Variants in UNC13C observed in about 807,000 individuals in gnomAD.
UNC13C encodes the protein unc-13 homolog C, also known as protein unc-13 homolog C.
Under a neutral mutation model 245.4 loss-of-function variants are expected in UNC13C, and 174 were observed. The ratio of observed to expected loss-of-function variants is 0.71; its 90% CI spans 0.63 to 0.80. The LOEUF is 0.80. UNC13C is among the 30% of genes least tolerant of loss of function. The pLI is 0.00. For missense variants in UNC13C, 2,829 were observed against 2,602.9 expected (o/e 1.09, Z -1.89); for synonymous variants, 992 against 895.1 (o/e 1.11, Z -1.93).
intron 14 of UNC13C, 53 bp from the exon 15 acceptor site, chr15:54,331,990 C>A: frequency 4.9e-6 from 6 of 1,231,738 alleles, no homozygotes; most frequent in Non-Finnish European, 5.7e-6. Context: ...ATTATGAGGT[C>A]TTTAGAGTGG....
At chr15:54,403,741 G>A (rs1425525951) in intron 18 of UNC13C, among the ~76,000 whole-genome samples, 2 of 131,638 alleles carry the variant, frequency 1.5e-5, no homozygotes, top group South Asian at 4.9e-4. Flanking sequence ...AAAAAAAAAG[G>A]CTTACATAGA....
the UNC13C span, among the ~76,000 whole-genome samples, chr15:53,921,317 T>A: frequency 2.6e-5 from 4 of 152,236 alleles, no homozygotes; most frequent in Non-Finnish European, 5.9e-5. Flanking sequence ...GTGGGCTATT[T>A]ATGCTTATTA....
At chr15:53,955,218 G>A in the UNC13C span, among the ~76,000 whole-genome samples, 1 of 151,426 alleles carries the variant, frequency 6.6e-6, no homozygotes, top group Non-Finnish European at 1.5e-5. Flanking sequence ...GCTTTGTGAA[G>A]ATTTCCACTT....
chr15:53,858,576 G>A, the UNC13C span, among the ~76,000 whole-genome samples: 92,930 of 151,130 alleles, frequency 0.61, 28,789 homozygotes, highest in East Asian at 0.76. Context: ...ATGCCTCACC[G>A]CATGCAGCTA....
intron 17 of UNC13C, among the ~76,000 whole-genome samples, chr15:54,390,344 A>G (rs1195208822): frequency 6.6e-6 from 1 of 152,046 alleles, no homozygotes; most frequent in African/African-American, 2.4e-5. Context: ...ACTTTTCTCT[A>G]TATGCTTTTC....
At chr15:53,953,455 C>T in the UNC13C span, among the ~76,000 whole-genome samples, 10 of 152,142 alleles carry the variant, frequency 6.6e-5, no homozygotes, top group African/African-American at 2.4e-4. Context: ...CTCTCTAGAT[C>T]CAGGGGTGTT....
At chr15:54,083,730 C>T (rs1385603937) in intron 2 of UNC13C, among the ~76,000 whole-genome samples, 1 of 152,114 alleles carries the variant, frequency 6.6e-6, no homozygotes, top group East Asian at 1.9e-4. Flanking sequence ...GGTTAGATCT[C>T]TAGGGACCCC....
At chr15:54,050,500 C>T in intron 2 of UNC13C, 2 of 527,154 alleles carry the variant, frequency 3.8e-6, no homozygotes, top group South Asian at 1.5e-5. Context: ...TATTTGTCCA[C>T]CTTCTCCAAT....
rs72740036 is a variant in UNC13C at position 54,607,043 on chromosome 15, A to G, written c.6107-15284A>G. ...CAGGGAAGGTTTTGTGGGAAAAAAA[A>G]TTGGCATTTTCATCAGCTTCAAATC... On this transcript the variant is annotated intron_variant, in intron 30 of 32. Transcript: ENST00000260323. Among the ~76,000 whole-genome samples the G allele has an allele frequency of 3.7e-3, 561 of 152,286 alleles. 1 individual carries two copies. Among genetic ancestry groups the G allele is most frequent in the Middle Eastern group, 0.01 (3 of 294 alleles).
chr15:54,247,063 C>A (rs1219127005), intron 7 of UNC13C, among the ~76,000 whole-genome samples: 1 of 152,090 alleles, frequency 6.6e-6, no homozygotes, highest in African/African-American at 2.4e-5. Context: ...AGGCCAGAGA[C>A]CCTCTCTTGA....
intron 27 of UNC13C, 133 bp downstream of exon 27, chr15:54,546,978 T>A: frequency 1.2e-6 from 1 of 821,040 alleles, no homozygotes; most frequent in Admixed American, 3.6e-5. Context: ...TTCTTAACAA[T>A]GATCATTCAA....
intron 4 of UNC13C, among the ~76,000 whole-genome samples, chr15:54,178,805 C>T (rs200465228): frequency 6.6e-6 from 1 of 152,098 alleles, no homozygotes; most frequent in African/African-American, 2.4e-5. Flanking sequence ...GGCCTGGGAG[C>T]TTTACAGAGA....
Position 54,203,761 on chromosome 15 carries a change from T to C in UNC13C, c.3072-31269T>C, listed in dbSNP as rs370048113. Among the ~76,000 whole-genome samples the C allele has an allele frequency of 6.5e-5, 7 of 107,472 alleles. No homozygotes were observed. The East Asian group carries it at 9.2e-4, about 14-fold the overall frequency. The allele number at this position is 107,472 out of a possible 152,430, so 70.5% of individuals were successfully genotyped here. A position where few individuals can be genotyped will look rare whatever the true frequency, so the allele number is the denominator to read the frequency against. On this transcript the variant is annotated intron_variant, in intron 4 of 32. Coordinates refer to ENST00000260323, the MANE Select transcript of UNC13C (RefSeq NM_001080534.3). ...ACATATATATGTATATATACACATA[T>C]ATATGTATATATACACACACATATA...
At chr15:54,113,892 A>C (rs998542058) in intron 2 of UNC13C, among the ~76,000 whole-genome samples, 1 of 152,218 alleles carries the variant, frequency 6.6e-6, no homozygotes, top group Non-Finnish European at 1.5e-5. Context: ...GTAATAATTA[A>C]AAATGTACCT....
At position 54,623,440 on chromosome 15, in the gene UNC13C, T is replaced by C. The variant is rs535972506; in HGVS notation, c.6200-355T>C. 3.9e-5 allele frequency among the ~76,000 whole-genome samples: 6 copies of C among 152,310 alleles called. No homozygotes were observed. The South Asian group carries it at 1.0e-3, about 26-fold the overall frequency. ...AAGCATACAATCCAAAATATTGTCATTGACTGGTAAATTTATAGATTTTAT... is the reference window on the plus strand; with the variant it reads ...AAGCATACAATCCAAAATATTGTCACTGACTGGTAAATTTATAGATTTTAT... On this transcript the variant is annotated intron_variant, in intron 31 of 32. Transcript: ENST00000260323.
At chr15:54,323,388 G>A (rs2038216356) in intron 14 of UNC13C, among the ~76,000 whole-genome samples, 1 of 152,008 alleles carries the variant, frequency 6.6e-6, no homozygotes, top group Non-Finnish European at 1.5e-5. Flanking sequence ...TAGGAGTTAT[G>A]CAGTTTCACT....
intron 17 of UNC13C, among the ~76,000 whole-genome samples, chr15:54,359,324 G>T (rs879304118): frequency 4.0e-5 from 6 of 151,428 alleles, no homozygotes; most frequent in Non-Finnish European, 7.4e-5. Context: ...TCATTGTAAT[G>T]CTGACTTTAT....
chr15:54,629,659 T>G (rs953153166), downstream of UNC13C: 8 of 152,206 alleles, frequency 5.3e-5, no homozygotes, highest in Non-Finnish European at 1.2e-4. Flanking sequence ...TCATTCTAGA[T>G]TTATGTTATA....
intron 18 of UNC13C, among the ~76,000 whole-genome samples, chr15:54,404,701 T>A (rs2040258315): frequency 6.6e-6 from 1 of 152,204 alleles, no homozygotes; most frequent in Admixed American, 6.5e-5. Flanking sequence ...GTACTTCTTT[T>A]AACTTCTAAG....
Sources: allele counts gnomAD v4.1 joint callset (sites outside exome capture counted in the v4.1 genomes callset), GRCh38; gene constraint gnomAD v4.1.1; transcripts MANE v1.5; gene names NCBI Gene and HGNC (gene_info 2026-07-23, HGNC 2026-07-21).